The following RNF220 variants were observed in gnomAD, a reference collection of about 807,000 sequenced individuals.
RNF220 encodes E3 ubiquitin-protein ligase RNF220.
A neutral mutation model predicts 67.1 loss-of-function variants in RNF220; 7 were observed. The ratio of observed to expected loss-of-function variants is 0.10; its 90% CI spans 0.06 to 0.20. The LOEUF (loss-of-function observed/expected upper bound fraction) is 0.20. Ranked by LOEUF, RNF220 falls within the 10% of genes least tolerant of loss-of-function variation. The probability of loss-of-function intolerance (pLI) is 1.00; values close to 1 mark genes in which losing one functional copy is unlikely to be tolerated. For missense variants in RNF220, 565 were observed against 740.3 expected, an observed-to-expected ratio of 0.76 and a Z score of 2.75; for synonymous variants, 270 against 283.2, an observed-to-expected ratio of 0.95 and a Z score of 0.47.
chr1:44,600,713 C>T lies in RNF220; in HGVS notation c.626-13452C>T, dbSNP rs146247980. The stretch of plus-strand genomic sequence containing the variant: ...GCACACACCTGCAGTCCCAGCTACT[C>T]GGGAGGCTGAGGCAGGAGAATCACT... On this transcript the variant is annotated intron_variant, in intron 2 of 14. Coordinates refer to ENST00000361799, the MANE Select transcript of RNF220 (RefSeq NM_018150.4). The surrounding 1 kb of genome is among the most constrained non-coding windows in gnomAD (Gnocchi z 4.0). Among the ~76,000 whole-genome samples the T allele has an allele frequency of 1.2e-3, 182 of 151,938 alleles. No individual in the cohort carries two copies. Among genetic ancestry groups the T allele is most frequent in the African/African-American group, 4.0e-3 (166 of 41,440 alleles).
chr1:44,513,788 G>A (rs1465674207), intron 2 of RNF220, among the ~76,000 whole-genome samples: 1 of 152,132 alleles, frequency 6.6e-6, no homozygotes, highest in East Asian at 1.9e-4. Flanking sequence ...CTCTGCATGT[G>A]TGCGCGTGTG....
rs938635504 is a variant in RNF220, at chr1:44,622,430, A to C, written c.759-312A>C. 1.3e-5 allele frequency among the ~76,000 whole-genome samples: 2 copies of C among 152,164 alleles called. No homozygotes were observed. Among genetic ancestry groups the C allele is most frequent in the Admixed American group, 1.3e-4 (2 of 15,282 alleles). ...GAAGGGGGTCTCCAGGACAGGCAGA[A>C]TCTTCAGGGCTGATACGAGGAGTCA... On this transcript the variant is annotated intron_variant, in intron 3 of 14. Transcript: ENST00000361799. The surrounding 1 kb of genome is among the most constrained non-coding windows in gnomAD (Gnocchi z 4.3).
rs72895571 is a variant in RNF220 at position 44,523,677 on chromosome 1, G to A, written c.626-90488G>A. On this transcript the variant is annotated intron_variant, in intron 2 of 14. Transcript: ENST00000361799. ...ACCATGCTTTGAAAGAACCTGCTTC[G>A]CATGGTGTTAGGGAGAGGTATGGAA... Among the ~76,000 whole-genome samples, 1,461 of 152,060 alleles carry A rather than the reference G, an allele frequency of 9.6e-3. 23 individuals carry two copies. The highest frequency in any genetic ancestry group is 0.034 in the African/African-American group (1,401 of 41,554).
intron 2 of RNF220, among the ~76,000 whole-genome samples, chr1:44,413,024 G>A (rs1038201124): frequency 6.6e-6 from 1 of 152,188 alleles, no homozygotes; most frequent in African/African-American, 2.4e-5. Flanking sequence ...GTACTGAAGT[G>A]AATGTCATTT....
chr1:44,640,534 T>C (rs1224644507), intron 8 of RNF220, among the ~76,000 whole-genome samples: 1 of 152,236 alleles, frequency 6.6e-6, no homozygotes, highest in East Asian at 1.9e-4. Context: ...AAGGAGCAAG[T>C]ATCAATGGTT....
intron 2 of RNF220, among the ~76,000 whole-genome samples, chr1:44,450,210 CAA>C (rs879870662): frequency 1.6e-4 from 23 of 143,698 alleles, no homozygotes; most frequent in African/African-American, 5.9e-4. Context: ...AACTCCGTGT[CAA>C]AAAAAAAAAG....
chr1:44,511,906 C>CGTGTGTGTGT (rs571261660), intron 2 of RNF220, among the ~76,000 whole-genome samples: 3 of 80,022 alleles, frequency 3.7e-5, no homozygotes, highest in African/African-American at 9.8e-5. Flanking sequence ...AATTGAGAAG[C>CGTGTGTGTGT]GTGTGTGTGC....
At chr1:44,614,110 C>T in intron 2 of RNF220, 55 bp from the exon 3 acceptor site, 1 of 1,605,268 alleles carries the variant, frequency 6.2e-7, no homozygotes, top group South Asian at 1.1e-5. Flanking sequence ...GATGCTGGGT[C>T]TGCCTCCTGG....
At chr1:44,512,876 G>T (rs1321145922) in intron 2 of RNF220, among the ~76,000 whole-genome samples, 3 of 152,188 alleles carry the variant, frequency 2.0e-5, no homozygotes. Context: ...GAGCTCGGTG[G>T]CTCCTGGAGC....
intron 2 of RNF220, among the ~76,000 whole-genome samples, chr1:44,568,155 G>T (rs964475960): frequency 6.6e-6 from 1 of 152,248 alleles, no homozygotes; most frequent in South Asian, 2.1e-4. Context: ...CAATGTAGGT[G>T]ACACTGTGCC....
chr1:44,435,238 A>G (rs143908325), intron 2 of RNF220, among the ~76,000 whole-genome samples: 2 of 152,328 alleles, frequency 1.3e-5, no homozygotes, highest in East Asian at 3.9e-4. Context: ...GAGAGCAACA[A>G]ATTGGGCTTT....
chr1:44,563,926 C>A (rs527361703), intron 2 of RNF220, among the ~76,000 whole-genome samples: 22 of 152,314 alleles, frequency 1.4e-4, no homozygotes, highest in South Asian at 8.3e-4. Flanking sequence ...CTTCTCTTCA[C>A]AGCTCCCTCC....
chr1:44,544,341 C>G (rs1473161639), intron 2 of RNF220, among the ~76,000 whole-genome samples: 1 of 152,196 alleles, frequency 6.6e-6, no homozygotes, highest in African/African-American at 2.4e-5. Context: ...CCTGGGATCA[C>G]CCTGTTCCTC....
chr1:44,473,072 G>A (rs1383489297), intron 2 of RNF220, among the ~76,000 whole-genome samples: 1 of 152,146 alleles, frequency 6.6e-6, no homozygotes, highest in Non-Finnish European at 1.5e-5. Flanking sequence ...TGCTTTCCTG[G>A]GACTACACTA....
At chr1:44,557,195 T>TTATA (rs201045333) in intron 2 of RNF220, among the ~76,000 whole-genome samples, 3,514 of 144,236 alleles carry the variant, frequency 0.024, 122 homozygotes, top group African/African-American at 0.078. Context: ...AATATATATT[T>TTATA]TATATATATA....
chr1:44,557,461 AAGG>A (rs1347717079), intron 2 of RNF220, among the ~76,000 whole-genome samples: 5 of 151,826 alleles, frequency 3.3e-5, no homozygotes, highest in African/African-American at 1.2e-4. Context: ...GGAAGGAAGG[AAGG>A]AGAGCGAAAC....
intron 2 of RNF220, among the ~76,000 whole-genome samples, chr1:44,575,471 T>C (rs1185696115): frequency 6.6e-6 from 1 of 151,834 alleles, no homozygotes; most frequent in Non-Finnish European, 1.5e-5. Context: ...AACATGGGAG[T>C]CAAGTACGGT....
At chr1:44,413,048 C>T (rs1026312544) in intron 2 of RNF220, among the ~76,000 whole-genome samples, 6 of 152,144 alleles carry the variant, frequency 3.9e-5, no homozygotes, top group African/African-American at 1.4e-4. Flanking sequence ...TAAGAAGTGT[C>T]GGCTCCTAGG....
intron 2 of RNF220, among the ~76,000 whole-genome samples, chr1:44,572,761 G>A (rs1311732151): frequency 2.6e-5 from 4 of 151,984 alleles, no homozygotes; most frequent in South Asian, 4.2e-4. Flanking sequence ...AGCTGCTGCC[G>A]CTAAGGATTC....
Sources: allele counts gnomAD v4.1 joint callset (sites outside exome capture counted in the v4.1 genomes callset), GRCh38; gene constraint gnomAD v4.1.1; non-coding constraint Gnocchi (gnomAD v3.1); transcripts MANE v1.5; gene names NCBI Gene and HGNC (gene_info 2026-07-23, HGNC 2026-07-21).